DMKN: variants seen among roughly 807,000 people sequenced by gnomAD.
The protein encoded by DMKN is epidermis-specific secreted protein SK30/SK89.
A neutral mutation model predicts 67.6 loss-of-function variants in DMKN; 58 were observed. The ratio of observed to expected loss-of-function variants is 0.86; its 90% CI spans 0.69 to 1.07. DMKN has a LOEUF of 1.07. Among genes scored for constraint, DMKN ranks in the 50% least tolerant of loss-of-function variants. The pLI is 0.00. For missense variants in DMKN, 596 were observed against 601.5 expected, an observed-to-expected ratio of 0.99 and a Z score of 0.10; for synonymous variants, 240 against 232.3, an observed-to-expected ratio of 1.03 and a Z score of -0.30.
chr19:35,501,721 C>G (rs931419074), intron 11 of DMKN: 2 of 1,260,256 alleles, frequency 1.6e-6, no homozygotes, highest in Non-Finnish European at 1.1e-6. Context: ...CCCTGCACAC[C>G]GCCCTCCCGT....
chr19:35,503,256 C>A, intron 9 of DMKN: 1 of 1,464,466 alleles, frequency 6.8e-7, no homozygotes, highest in Non-Finnish European at 9.0e-7. Flanking sequence ...CCCTTCCACA[C>A]CACCCTGGAT....
intron 7 of DMKN, chr19:35,508,179 T>C: frequency 1.3e-6 from 2 of 1,552,050 alleles, no homozygotes; most frequent in Middle Eastern, 1.7e-4. Flanking sequence ...GCACAGTCTC[T>C]GACCCCACAT....
At chr19:35,507,594 G>A (rs952488244) in intron 7 of DMKN, 22 of 1,206,258 alleles carry the variant, frequency 1.8e-5, no homozygotes, top group East Asian at 1.8e-4. Flanking sequence ...GGGTGTCGGC[G>A]AGGGATTCCT....
At chr19:35,499,880 A>C (rs1599806304) in intron 13 of DMKN, 78 bp downstream of exon 13, 1 of 1,520,074 alleles carries the variant, frequency 6.6e-7, no homozygotes, top group South Asian at 1.1e-5. Flanking sequence ...AACCGAGAGG[A>C]CCCCGGCAGT....
chr19:35,502,869 G>C lies in DMKN; in HGVS notation c.1152C>G (p.Pro384=). The C allele has an allele frequency of 1.9e-6, 3 of 1,613,834 alleles. No individual in the cohort carries two copies. The highest frequency in any genetic ancestry group is 1.1e-5 in the South Asian group (1 of 91,060). ...DAINKNQVPP[P]STRALLYFSR... ...TGAAGTAGAGGAGGGCTCGGGTGCT[G>C]GGGGGCGGGACCTGGTTCTGTGGAT... Residue 384 remains proline (P), a synonymous_variant, in exon 10 of 16, where the codon CCC becomes CCG. Coordinates refer to ENST00000339686, the MANE Select transcript of DMKN (RefSeq NM_033317.5).
intron 7 of DMKN, chr19:35,507,760 C>A (rs529196031): frequency 2.6e-5 from 13 of 505,426 alleles, no homozygotes; most frequent in African/African-American, 2.3e-4. Context: ...GATAACATCG[C>A]CATCTCTGTT....
At position 35,513,236 on chromosome 19, in the gene DMKN, G is replaced by A. The variant is rs754455691; in HGVS notation, c.240C>T (p.Gly80=). Residue 80 remains glycine (G), a synonymous_variant, in exon 1 of 16, where the codon GGC becomes GGT. Transcript: ENST00000339686. The part of the protein sequence containing the change: ...ALGQGTREAV[G]TGVRQVPGFG... Reference sequence around the variant, plus strand: ...AGCCTGGAACCTGCCTGACTCCAGTGCCAACTGCTTCTCTGGTCCCTTGGC... The same window carrying A: ...AGCCTGGAACCTGCCTGACTCCAGTACCAACTGCTTCTCTGGTCCCTTGGC... The A allele has an allele frequency of 1.2e-5, 20 of 1,614,114 alleles. No individual in the cohort carries two copies. Among genetic ancestry groups the A allele is most frequent in the Middle Eastern group, 1.6e-4 (1 of 6,084 alleles).
intron 9 of DMKN, chr19:35,503,244 AC>A (rs1240655079): frequency 4.1e-5 from 60 of 1,454,668 alleles, no homozygotes; most frequent in Non-Finnish European, 5.2e-5. Flanking sequence ...GGCTGCAGCC[AC>A]CCCTTCCACA....
chr19:35,506,196 A>G (rs1424872340), intron 7 of DMKN: 1 of 1,501,402 alleles, frequency 6.7e-7, no homozygotes. Flanking sequence ...CTGGGTGGGG[A>G]AAAGGGGGAC....
Position 35,505,979 on chromosome 19 carries a change from TCA to T in DMKN, c.1044_1045del (p.Glu349AspfsTer7). ...AAAGTTAAACATCCCAGGAGACGTC[TCA>T]GAGTTCTATGGAACCAAGGAGATAT... On this transcript the variant is annotated frameshift_variant, in exon 8 of 16. Coordinates refer to ENST00000339686, the MANE Select transcript of DMKN (RefSeq NM_033317.5). LOFTEE classifies it high-confidence loss of function. The T allele has an allele frequency of 6.2e-7, 1 of 1,614,134 alleles. No homozygotes were observed. Among genetic ancestry groups the T allele is most frequent in the African/African-American group, 1.3e-5 (1 of 75,014 alleles).
chr19:35,503,470 T>G, intron 9 of DMKN: 1 of 1,491,164 alleles, frequency 6.7e-7, no homozygotes, highest in East Asian at 2.5e-5. Context: ...ACAGGTTTTT[T>G]TTTGTTTTTT....
chr19:35,499,825 G>A (rs1223258717), intron 13 of DMKN, 133 bp downstream of exon 13: 28 of 869,046 alleles, frequency 3.2e-5, no homozygotes, highest in Admixed American at 4.8e-5. Flanking sequence ...CAAAGGGGTG[G>A]GGAGGCCTGG....
rs757140536 is a variant in DMKN, at chr19:35,500,006, C to T, written c.1311G>A (p.Ala437=). ...ACTTCCCACCATAGGCAGTGGGATA[C>T]GCATGCTGGTTGTAATTGTAGTTCT... The part of the protein sequence containing the change: ...DDQNYNYNQH[A]YPTAYGGKYS... Residue 437 remains alanine (A), a synonymous_variant, in exon 13 of 16, where the codon GCG becomes GCA. Transcript: ENST00000339686. 46 of 1,614,060 alleles carry T rather than the reference C, an allele frequency of 2.8e-5. No individual in the cohort carries two copies. Among genetic ancestry groups the T allele is most frequent in the Non-Finnish European group, 4.2e-6 (5 of 1,180,048 alleles).
chr19:35,510,070 C>T (rs945748231), intron 6 of DMKN, 109 bp from the exon 7 acceptor site: 1 of 1,572,102 alleles, frequency 6.4e-7, no homozygotes. Context: ...GCTCCACCTC[C>T]GCGGCCATCC....
intron 11 of DMKN, chr19:35,501,905 T>G (rs2068454108): frequency 2.5e-6 from 4 of 1,576,572 alleles, no homozygotes; most frequent in Non-Finnish European, 3.4e-6. Context: ...CATGTTCATG[T>G]GCTTGTGGAG....
intron 1 of DMKN, 102 bp downstream of exon 1, chr19:35,512,948 C>T (rs2071067411): frequency 1.3e-6 from 2 of 1,553,640 alleles, no homozygotes; most frequent in African/African-American, 2.7e-5. Context: ...CCCCAGAAGC[C>T]TGCAAGTAAG....
Position 35,513,285 on chromosome 19 carries a change from C to A in DMKN, c.191G>T (p.Gly64Val). The A allele has an allele frequency of 6.2e-7, 1 of 1,613,960 alleles. No individual in the cohort carries two copies. Among genetic ancestry groups the A allele is most frequent in the Non-Finnish European group, 8.5e-7 (1 of 1,179,878 alleles). ...AIGKEAGGAAGSKVSEALGQG... is the reference protein window; with the variant it reads ...AIGKEAGGAAVSKVSEALGQG... ...GCCAAGGGCCTCACTGACTTTAGAG[C>A]CAGCTGCCCCTCCGGCCTCTTTGCC... Residue 64 changes from glycine (G) to valine (V), a missense_variant, in exon 1 of 16, where the codon GGC becomes GTC. Gly to Val is a moderately radical substitution (Grantham distance 109). Transcript: ENST00000339686.
In DMKN at chr19:35,513,072, A is replaced by AC. The variant is rs749515170; in HGVS notation, c.403dup (p.Val135GlyfsTer93). Reference sequence around the variant, plus strand: ...CACCCAAGCACCATTGTGGCCAGGCACCCCCTGCCAGGAGCCGCGGACAGC... The same window carrying AC: ...CACCCAAGCACCATTGTGGCCAGGCACCCCCCTGCCAGGAGCCGCGGACAGC... On this transcript the variant is annotated frameshift_variant, in exon 1 of 16. Transcript: ENST00000339686. LOFTEE classifies it high-confidence loss of function. 7 of 1,613,440 alleles carry AC rather than the reference A, an allele frequency of 4.3e-6. No homozygotes were observed. The highest frequency in any genetic ancestry group is 5.9e-6 in the Non-Finnish European group (7 of 1,179,950).
intron 12 of DMKN, 169 bp downstream of exon 12, chr19:35,500,364 G>A: frequency 6.4e-7 from 1 of 1,551,590 alleles, no homozygotes; most frequent in East Asian, 2.4e-5. Flanking sequence ...GCGGGTCCAT[G>A]GTAGATGTCT....
Sources: gnomAD v4.1 joint callset for allele counts on GRCh38, gnomAD v4.1.1 for gene constraint, MANE v1.5 for transcripts, NCBI Gene and HGNC (gene_info 2026-07-23, HGNC 2026-07-21) for gene names.